CSMD3: variants seen among roughly 807,000 people sequenced by gnomAD.
CSMD3 encodes the protein CUB and Sushi multiple domains 3.
A neutral mutation model predicts 435.2 loss-of-function variants in CSMD3; 177 were observed. The observed-to-expected ratio is 0.41, with a 90% CI of 0.36 to 0.46. The LOEUF (loss-of-function observed/expected upper bound fraction) is 0.46, where lower values mean the gene tolerates loss of function less well. Ranked by LOEUF, CSMD3 falls within the 20% of genes least tolerant of loss-of-function variation. The pLI is 0.34. For missense variants in CSMD3, 4,265 were observed against 4,504.6 expected, an observed-to-expected ratio of 0.95 and a Z score of 1.52; for synonymous variants, 1,656 against 1,520.5, an observed-to-expected ratio of 1.09 and a Z score of -2.07.
intron 13 of CSMD3, among the ~76,000 whole-genome samples, chr8:112,695,998 A>C (rs1256908552): frequency 6.6e-6 from 1 of 152,198 alleles, no homozygotes; most frequent in African/African-American, 2.4e-5. Context: ...AGAGAATAAA[A>C]TACCTAAGAA....
intron 22 of CSMD3, among the ~76,000 whole-genome samples, chr8:112,628,035 G>GT (rs1834633625): frequency 6.6e-6 from 1 of 152,152 alleles, no homozygotes; most frequent in Admixed American, 6.6e-5. Flanking sequence ...AAGGATGTCT[G>GT]TAAATTTGTT....
At chr8:112,768,828 C>T (rs1471397607) in intron 13 of CSMD3, among the ~76,000 whole-genome samples, 1 of 151,856 alleles carries the variant, frequency 6.6e-6, no homozygotes, top group Non-Finnish European at 1.5e-5. Context: ...ATTCATAAAG[C>T]CATTCCCATC....
chr8:113,105,015 T>C (rs1287699759), intron 4 of CSMD3, among the ~76,000 whole-genome samples: 2 of 152,112 alleles, frequency 1.3e-5, no homozygotes, highest in African/African-American at 4.8e-5. Context: ...TTTTTAAACA[T>C]ACAGCTTAAA....
chr8:112,531,408 G>A (rs1358117417), intron 27 of CSMD3, among the ~76,000 whole-genome samples: 1 of 152,164 alleles, frequency 6.6e-6, no homozygotes, highest in African/African-American at 2.4e-5. Flanking sequence ...GAGCCTCAGT[G>A]CTGTGCTGGT....
chr8:112,974,978 T>C lies in CSMD3; in HGVS notation c.1342+859A>G, dbSNP rs188351548. ...ATTTTATACTTGAAATATGTTCAATTAATTAATGTTCTTACAGATACATAT... is the reference window on the plus strand; with the variant it reads ...ATTTTATACTTGAAATATGTTCAATCAATTAATGTTCTTACAGATACATAT... On this transcript the variant is annotated intron_variant, in intron 7 of 70. Coordinates refer to ENST00000297405, the MANE Select transcript of CSMD3 (RefSeq NM_198123.2). Among the ~76,000 whole-genome samples, 529 of 151,996 alleles carry C rather than the reference T, an allele frequency of 3.5e-3. 3 individuals carry two copies. The highest frequency in any genetic ancestry group is 6.5e-3 in the Non-Finnish European group (444 of 67,832).
intron 5 of CSMD3, among the ~76,000 whole-genome samples, chr8:113,021,109 G>A (rs2086669414): frequency 6.6e-6 from 1 of 152,106 alleles, no homozygotes; most frequent in Non-Finnish European, 1.5e-5. Context: ...GGTTTGCAGT[G>A]CATTTTCCGT....
chr8:112,285,046 C>T (rs1381890845), intron 58 of CSMD3, among the ~76,000 whole-genome samples: 3 of 151,644 alleles, frequency 2.0e-5, no homozygotes, highest in Non-Finnish European at 2.9e-5. Context: ...TTTATCCATT[C>T]GTCTACTAAA....
At position 112,884,254 on chromosome 8, in the gene CSMD3, T is replaced by A. The variant is rs78870272; in HGVS notation, c.1634-24988A>T. On this transcript the variant is annotated intron_variant, in intron 10 of 70. Transcript: ENST00000297405. ...AATACAATTGCAGTATGTGAGAGTATCACTCTCAGTTTTACAAGTAGTCAA... is the reference window on the plus strand; with the variant it reads ...AATACAATTGCAGTATGTGAGAGTAACACTCTCAGTTTTACAAGTAGTCAA... Among the ~76,000 whole-genome samples the A allele has an allele frequency of 5.2e-3, 788 of 151,922 alleles. 15 individuals are homozygous for A. The highest frequency in any genetic ancestry group is 0.018 in the African/African-American group (761 of 41,488).
At chr8:112,883,727 C>T (rs1046823187) in intron 10 of CSMD3, among the ~76,000 whole-genome samples, 3 of 151,782 alleles carry the variant, frequency 2.0e-5, no homozygotes, top group Non-Finnish European at 4.4e-5. Flanking sequence ...ATTGGATTTT[C>T]GTCAGTTTTA....
intron 4 of CSMD3, among the ~76,000 whole-genome samples, chr8:113,111,407 T>A (rs543759837): frequency 6.6e-6 from 1 of 152,262 alleles, no homozygotes; most frequent in East Asian, 1.9e-4. Context: ...TGTTATTGCC[T>A]GTAGACTCCC....
chr8:113,164,112 T>A (rs1420105779), intron 4 of CSMD3, among the ~76,000 whole-genome samples: 1 of 152,044 alleles, frequency 6.6e-6, no homozygotes, highest in African/African-American at 2.4e-5. Context: ...AAAAGCTAAA[T>A]ATAATGCTGA....
chr8:113,314,192 T>C (rs973773559), intron 2 of CSMD3: 1 of 185,094 alleles, frequency 5.4e-6, no homozygotes, highest in Non-Finnish European at 1.1e-5. Flanking sequence ...TTGCATAGTG[T>C]TGTATATTAA....
At chr8:113,238,074 C>CA (rs34316809) in intron 3 of CSMD3, among the ~76,000 whole-genome samples, 4,575 of 77,350 alleles carry the variant, frequency 0.059, 128 homozygotes, top group Middle Eastern at 0.13. Flanking sequence ...GACTCCATCT[C>CA]AAAAAAAAAA....
intron 8 of CSMD3, among the ~76,000 whole-genome samples, chr8:112,954,461 T>G (rs1172907353): frequency 6.6e-6 from 1 of 151,508 alleles, no homozygotes; most frequent in African/African-American, 2.4e-5. Flanking sequence ...TAAAATAAAC[T>G]TTATCAAAAA....
intron 2 of CSMD3, among the ~76,000 whole-genome samples, chr8:113,290,417 T>A (rs2093678216): frequency 6.6e-6 from 1 of 151,808 alleles, no homozygotes; most frequent in African/African-American, 2.4e-5. Flanking sequence ...TACAAAGCTA[T>A]TAGAGACAAG....
chr8:112,884,217 TTCTCA>T (rs902980486), intron 10 of CSMD3, among the ~76,000 whole-genome samples: 1 of 151,868 alleles, frequency 6.6e-6, no homozygotes, highest in African/African-American at 2.4e-5. Context: ...ACAGACCTTA[TTCTCA>T]GAGCAAAATA....
intron 3 of CSMD3, 67 bp from the exon 4 acceptor site, chr8:113,173,983 T>A (rs147457566): frequency 9.1e-7 from 1 of 1,094,170 alleles, no homozygotes; most frequent in Non-Finnish European, 1.4e-6. Context: ...TTTAGATGTA[T>A]AAAATTATAT....
intron 31 of CSMD3, among the ~76,000 whole-genome samples, chr8:112,491,178 T>G (rs1820650083): frequency 6.6e-6 from 1 of 152,174 alleles, no homozygotes; most frequent in African/African-American, 2.4e-5. Flanking sequence ...TAGGAAAAAT[T>G]ACTATGTGTA....
intron 2 of CSMD3, among the ~76,000 whole-genome samples, chr8:113,305,971 C>A (rs1323395823): frequency 2.6e-5 from 4 of 152,086 alleles, no homozygotes; most frequent in African/African-American, 4.8e-5. Context: ...TAGAAAAATG[C>A]ATTTCTACAC....
Sources: gnomAD v4.1 joint callset for allele counts (sites outside exome capture counted in the v4.1 genomes callset) on GRCh38, gnomAD v4.1.1 for gene constraint, MANE v1.5 for transcripts, NCBI Gene and HGNC (gene_info 2026-07-23, HGNC 2026-07-21) for gene names.